The following ZP1 variants were observed in gnomAD, a reference collection of about 807,000 sequenced individuals.
ZP1 encodes zona pellucida glycoprotein 1, also known as zona pellucida sperm-binding protein 1.
Under a neutral mutation model 67.4 loss-of-function variants are expected in ZP1, and 58 were observed. The observed-to-expected ratio is 0.86, with a 90% CI of 0.70 to 1.07. ZP1 has a LOEUF of 1.07. Ranked by LOEUF, ZP1 falls within the 50% of genes least tolerant of loss-of-function variation. ZP1 has a pLI of 0.00. For missense variants in ZP1, 759 were observed against 807.3 expected (o/e 0.94, Z 0.72); for synonymous variants, 333 against 332.7 (o/e 1.00, Z -0.01).
At position 60,874,990 on chromosome 11, in the gene ZP1, A is replaced by G; in HGVS notation, c.1630A>G (p.Thr544Ala). The G allele has an allele frequency of 6.2e-7, 1 of 1,614,238 alleles. No homozygotes were observed. Among genetic ancestry groups the G allele is most frequent in the Non-Finnish European group, 8.5e-7 (1 of 1,180,042 alleles). The change falls in exon 10 of 12, where the codon ACT becomes GCT. Residue 544 changes from threonine (T) to alanine (A), a missense_variant. Physicochemically the swap from Thr to Ala is moderately conservative, Grantham distance 58 (BLOSUM62 0). Transcript: ENST00000278853. Reference protein sequence around the residue: ...CHTSGLETCSTACSTGTTRQR... With the variant: ...CHTSGLETCSAACSTGTTRQR... Reference sequence around the variant, plus strand: ...CACCTCAGGGCTGGAGACTTGCTCCACTGCATGTAGCACTGGCACTACAAG... The same window carrying G: ...CACCTCAGGGCTGGAGACTTGCTCCGCTGCATGTAGCACTGGCACTACAAG...
At chr11:60,869,460 C>G in intron 2 of ZP1, 77 bp from the exon 3 acceptor site, 2 of 1,529,776 alleles carry the variant, frequency 1.3e-6, no homozygotes, top group Middle Eastern at 1.8e-4. Context: ...GCCAGCTCAG[C>G]TCTCGTGGGC....
chr11:60,875,365 G>A (rs754000973), intron 11 of ZP1, 117 bp downstream of exon 11: 232 of 1,514,228 alleles, frequency 1.5e-4, no homozygotes, highest in Non-Finnish European at 1.7e-4. Context: ...TGTCACTGCA[G>A]TCAGTGGGGA....
Position 60,871,252 on chromosome 11 carries a change from G to A in ZP1, c.1050G>A (p.Leu350=). The part of the protein sequence containing the change: ...AGDQLIYENW[L]VSGIHIQKGP... ...ACCAGCTCATCTATGAGAACTGGCT[G>A]GTGTCTGGCATCCACATCCAAAAGG... The change falls in exon 6 of 12, where the codon CTG becomes CTA. Residue 350 remains leucine (L), a synonymous_variant. Transcript: ENST00000278853. 1 of 1,614,006 alleles carries A rather than the reference G, an allele frequency of 6.2e-7. No individual in the cohort carries two copies. The highest frequency in any genetic ancestry group is 8.5e-7 in the Non-Finnish European group (1 of 1,180,048).
Position 60,869,692 on chromosome 11 carries a change from C to A in ZP1, c.474C>A (p.Thr158=). 1.2e-6 allele frequency: 2 copies of A among 1,614,146 alleles called. No homozygotes were observed. Among genetic ancestry groups the A allele is most frequent in the Non-Finnish European group, 1.7e-6 (2 of 1,179,992 alleles). ...CACCCGCCATGTTCTCTGTCTCAAC[C>A]CCACAAACCCTTTCCTTCCTCCCCA... ...LAPPAMFSVS[T]PQTLSFLPTS... is the part of the protein sequence containing the mutation. The change falls in exon 3 of 12, where the codon ACC becomes ACA. Residue 158 remains threonine (T), a synonymous_variant. Coordinates refer to ENST00000278853, the MANE Select transcript of ZP1 (RefSeq NM_207341.4).
At chr11:60,870,217 C>A in intron 3 of ZP1, 115 bp from the exon 4 acceptor site, 3 of 1,076,146 alleles carry the variant, frequency 2.8e-6, no homozygotes, top group Non-Finnish European at 3.8e-6. Context: ...TGAGGGAGGA[C>A]ATTTACTGTG....
intron 6 of ZP1, 128 bp downstream of exon 6, chr11:60,871,442 C>T: frequency 9.7e-7 from 1 of 1,035,732 alleles, no homozygotes; most frequent in Non-Finnish European, 1.4e-6. Context: ...GCTATGTGAT[C>T]TTAGGCAAGG....
At chr11:60,867,820 T>A in intron 1 of ZP1, 63 bp downstream of exon 1, 1 of 1,548,030 alleles carries the variant, frequency 6.5e-7, no homozygotes, top group Non-Finnish European at 8.7e-7. Context: ...AGAAGGGAGC[T>A]GGGACCCTTC....
chr11:60,869,101 T>C, intron 1 of ZP1, 44 bp from the exon 2 acceptor site: 3 of 1,613,168 alleles, frequency 1.9e-6, no homozygotes, highest in Non-Finnish European at 2.5e-6. Context: ...AACCTCTCCC[T>C]GCACCCTTCA....
rs1019894394 is a variant in ZP1, at chr11:60,875,169, G to A, written c.1695G>A (p.Arg565=). 3.1e-6 allele frequency: 5 copies of A among 1,613,906 alleles called. No individual in the cohort carries two copies. The highest frequency in any genetic ancestry group is 4.2e-6 in the Non-Finnish European group (5 of 1,180,042). ...CAGGTCACCGTAATGACACTGCCAG[G>A]CCCCAGGACATCGTGAGCTCTCCGG... ...RSSGHRNDTA[R]PQDIVSSPGP... is the part of the protein sequence containing the mutation. Residue 565 remains arginine, a synonymous_variant, in exon 11 of 12, where the codon AGG becomes AGA. Transcript: ENST00000278853.
At position 60,872,918 on chromosome 11, in the gene ZP1, C is replaced by A. The variant is rs117617296; in HGVS notation, c.1113-244C>A. ...TCTCTATCCTGCTGTATTCTCCCAC[C>A]AGGTGCAGGGCCTGGCATAACAGGC... On this transcript the variant is annotated intron_variant, in intron 6 of 11. Transcript: ENST00000278853. 5.1e-4 allele frequency among the ~76,000 whole-genome samples: 78 copies of A among 152,288 alleles called. 1 individual carries two copies. The South Asian group carries it at 0.012, about 23-fold the overall frequency.
chr11:60,872,455 C>T (rs116947542), intron 6 of ZP1, among the ~76,000 whole-genome samples: 4 of 152,286 alleles, frequency 2.6e-5, no homozygotes, highest in Non-Finnish European at 4.4e-5. Context: ...TCAGCATCTC[C>T]TTGGTACCAG....
In ZP1 at chr11:60,873,229, C is replaced by A. The variant is rs775471206; in HGVS notation, c.1180C>A (p.Pro394Thr). The A allele has an allele frequency of 1.9e-6, 3 of 1,607,768 alleles. No homozygotes were observed. Among genetic ancestry groups the A allele is most frequent in the East Asian group, 2.2e-5 (1 of 44,862 alleles). Residue 394 changes from proline (P) to threonine (T), a missense_variant, in exon 7 of 12, where the codon CCA becomes ACA. Coordinates refer to ENST00000278853, the MANE Select transcript of ZP1 (RefSeq NM_207341.4). ...LPIQASIFPPPSPAPMTQPGP... is the reference protein window; with the variant it reads ...LPIQASIFPPTSPAPMTQPGP... ...CATTCAGGCATCCATTTTCCCACCC[C>A]CATCGCCTGCTCCTATGACCCAGCC... is the stretch of plus-strand genomic sequence containing the variant.
Position 60,873,825 on chromosome 11 carries a change from G to A in ZP1, c.1572+50G>A, listed in dbSNP as rs554822977. 21 of 1,604,856 alleles carry A rather than the reference G, an allele frequency of 1.3e-5. No homozygotes were observed. In the African/African-American group the frequency reaches 1.5e-4, roughly 11 times the overall value. ...CCTGGTCCCATCTGTTAAGTGGGAG[G>A]AGCTGGTCGCCAAATCCCTCTGGCA... is the stretch of plus-strand genomic sequence containing the variant. On this transcript the variant is annotated intron_variant, in intron 9 of 11. Transcript: ENST00000278853.
Position 60,875,510 on chromosome 11 carries a change from A to G in ZP1, c.1775-4A>G, listed in dbSNP as rs1164269943. 2 of 1,613,670 alleles carry G rather than the reference A, an allele frequency of 1.2e-6. No individual in the cohort carries two copies. Among genetic ancestry groups the G allele is most frequent in the Admixed American group, 1.7e-5 (1 of 59,970 alleles). On this transcript the variant is annotated splice_polypyrimidine_tract_variant and splice_region_variant and intron_variant, in intron 11 of 11. Coordinates refer to ENST00000278853, the MANE Select transcript of ZP1 (RefSeq NM_207341.4). ...CAGCCCTGCCAATCCCGTCTCTCTG[A>G]CAGACTCCAATGGGAACTCCAGCCT...
chr11:60,871,483 G>T (rs539465410), intron 6 of ZP1, among the ~76,000 whole-genome samples, 169 bp downstream of exon 6: 1 of 152,184 alleles, frequency 6.6e-6, no homozygotes, highest in Non-Finnish European at 1.5e-5. Context: ...CCCCTGCTGG[G>T]CAGGGGAAAT....
chr11:60,867,689 G>C lies in ZP1; in HGVS notation c.128G>C (p.Cys43Ser). 6.2e-7 allele frequency: 1 copy of C among 1,614,062 alleles called. No individual in the cohort carries two copies. Among genetic ancestry groups the C allele is most frequent in the Non-Finnish European group, 8.5e-7 (1 of 1,179,972 alleles). The change falls in exon 1 of 12, where the codon TGT becomes TCT. Residue 43 changes from cysteine (C) to serine (S), a missense_variant. Coordinates refer to ENST00000278853, the MANE Select transcript of ZP1 (RefSeq NM_207341.4). ...CCAGGCCTCCGGCACAGCTACGACT[G>C]TGGGATCAAGGGAATGCAGCTGCTG... ...GLPGLRHSYD[C>S]GIKGMQLLVF...
At chr11:60,869,296 G>A (rs1448961871) in intron 2 of ZP1, 30 bp downstream of exon 2, 3 of 1,613,238 alleles carry the variant, frequency 1.9e-6, no homozygotes, top group Non-Finnish European at 2.5e-6. Flanking sequence ...TGGCACAGGG[G>A]CAAGCTTGTC....
Position 60,870,361 on chromosome 11 carries a change from G to A in ZP1, c.712G>A (p.Val238Met). Residue 238 changes from valine to methionine, a missense_variant, in exon 4 of 12, where the codon GTG (valine) becomes ATG (methionine). Val to Met is a conservative substitution (Grantham distance 21). Transcript: ENST00000278853. ...GTHLSQEQCQ[V>M]ASGHLPCIVR... Reference sequence around the variant, plus strand: ...CCACCTGAGCCAGGAGCAGTGCCAGGTGGCCTCAGGGCACCTCCCCTGCAT... The same window carrying A: ...CCACCTGAGCCAGGAGCAGTGCCAGATGGCCTCAGGGCACCTCCCCTGCAT... 2 of 1,611,404 alleles carry A rather than the reference G, an allele frequency of 1.2e-6. No individual in the cohort carries two copies. The highest frequency in any genetic ancestry group is 1.7e-6 in the Non-Finnish European group (2 of 1,179,006).
chr11:60,869,699 A>G lies in ZP1; in HGVS notation c.481A>G (p.Thr161Ala). The G allele has an allele frequency of 1.2e-6, 2 of 1,613,144 alleles. No homozygotes were observed. Among genetic ancestry groups the G allele is most frequent in the Non-Finnish European group, 1.7e-6 (2 of 1,179,728 alleles). ...CATGTTCTCTGTCTCAACCCCACAA[A>G]CCCTTTCCTTCCTCCCCACCTCTGG... ...PAMFSVSTPQ[T>A]LSFLPTSGHT... The change falls in exon 3 of 12, where the codon ACC becomes GCC. Residue 161 changes from threonine (T) to alanine (A), a missense_variant. Coordinates refer to ENST00000278853, the MANE Select transcript of ZP1 (RefSeq NM_207341.4).
Sources: gnomAD v4.1 joint callset for allele counts (sites outside exome capture counted in the v4.1 genomes callset) on GRCh38, gnomAD v4.1.1 for gene constraint, MANE v1.5 for transcripts, NCBI Gene and HGNC (gene_info 2026-07-23, HGNC 2026-07-21) for gene names.